The following FAM24B variants were observed in gnomAD, a reference collection of about 807,000 sequenced individuals.
FAM24B encodes family with sequence similarity 24 member B.
FAM24B carries 3 observed loss-of-function variants against 2.3 expected under a neutral mutation model. The observed-to-expected ratio is 1.29, with a 90% confidence interval of 0.59 to 3.32. The LOEUF (loss-of-function observed/expected upper bound fraction) is 3.32, where lower values mean the gene tolerates loss of function less well. FAM24B is among the 30% of genes most tolerant of loss of function. The pLI, the probability that FAM24B is intolerant of heterozygous loss-of-function variation, is 0.03. For synonymous variants in FAM24B, 36 were observed against 46.3 expected (o/e 0.78, Z 0.90); for missense variants, 98 against 117.2 (o/e 0.84, Z 0.76).
intron 3 of FAM24B, 74 bp from the exon 4 acceptor site, chr10:122,849,513 G>C (rs1378817740): frequency 2.2e-6 from 3 of 1,385,032 alleles, no homozygotes; most frequent in African/African-American, 1.5e-5. Flanking sequence ...CTGTTGGGGG[G>C]TATCTGGGGA....
At chr10:122,853,835 C>G (rs1847589149) in intron 2 of FAM24B, among the ~76,000 whole-genome samples, 1 of 152,198 alleles carries the variant, frequency 6.6e-6, no homozygotes, top group Non-Finnish European at 1.5e-5. Context: ...GCTTAGTCAT[C>G]ATTAAGGAGC....
intron 1 of FAM24B, among the ~76,000 whole-genome samples, chr10:122,865,771 A>ACT (rs988896019): frequency 3.2e-4 from 49 of 151,802 alleles, no homozygotes; most frequent in African/African-American, 1.2e-3. Flanking sequence ...TGGAAGAGTA[A>ACT]TTATTAATTT....
rs117172330 is a variant in FAM24B, at chr10:122,873,470, A to T, written c.-178+6015T>A. On this transcript the variant is annotated intron_variant, in intron 1 of 3. Transcript: ENST00000368898. ...CCTTTCAATACATTAGTGCTAACTG[A>T]TGCTTGGCCAGGGCCACCCAAGAGC... Among the ~76,000 whole-genome samples the T allele has an allele frequency of 4.3e-3, 662 of 152,360 alleles. 3 individuals are homozygous for T. The highest frequency in any genetic ancestry group is 7.7e-3 in the Non-Finnish European group (526 of 68,032).
intron 1 of FAM24B, among the ~76,000 whole-genome samples, chr10:122,863,316 T>G (rs965274564): frequency 6.6e-6 from 1 of 152,130 alleles, no homozygotes; most frequent in African/African-American, 2.4e-5. Flanking sequence ...ACTATTATCA[T>G]CCCCATTTTC....
intron 1 of FAM24B, among the ~76,000 whole-genome samples, chr10:122,868,321 A>C (rs1443403280): frequency 6.6e-6 from 1 of 152,236 alleles, no homozygotes; most frequent in East Asian, 1.9e-4. Context: ...TGTACCTGAA[A>C]GTGATGAGGA....
At chr10:122,868,681 C>G (rs1280921714) in intron 1 of FAM24B, among the ~76,000 whole-genome samples, 3 of 151,856 alleles carry the variant, frequency 2.0e-5, no homozygotes, top group East Asian at 3.9e-4. Context: ...TCCAGCCAAA[C>G]TAAGCTTCAT....
At chr10:122,860,094 T>C (rs950475032) in intron 1 of FAM24B, among the ~76,000 whole-genome samples, 4 of 152,152 alleles carry the variant, frequency 2.6e-5, no homozygotes, top group Non-Finnish European at 4.4e-5. Context: ...TACAGTAGTA[T>C]GGGTTTTGAC....
At chr10:122,870,672 A>C (rs1427080280) in intron 1 of FAM24B, among the ~76,000 whole-genome samples, 1 of 152,148 alleles carries the variant, frequency 6.6e-6, no homozygotes, top group Non-Finnish European at 1.5e-5. Flanking sequence ...ATAAACAGAA[A>C]CAAAGACAAA....
At chr10:122,851,933 T>A (rs1268351819) in intron 2 of FAM24B, among the ~76,000 whole-genome samples, 1 of 152,192 alleles carries the variant, frequency 6.6e-6, no homozygotes, top group African/African-American at 2.4e-5. Flanking sequence ...AGAAATTATG[T>A]CATTGGAAAC....
chr10:122,872,966 A>G (rs1056573002), intron 1 of FAM24B, among the ~76,000 whole-genome samples: 3 of 152,180 alleles, frequency 2.0e-5, no homozygotes, highest in African/African-American at 7.2e-5. Context: ...ATAAAAAAAG[A>G]ACAGGTTGAA....
At chr10:122,871,174 C>T (rs368177279) in intron 1 of FAM24B, among the ~76,000 whole-genome samples, 3 of 151,950 alleles carry the variant, frequency 2.0e-5, no homozygotes, top group South Asian at 4.2e-4. Context: ...CATGAGTGAA[C>T]TCCCATTCAC....
chr10:122,877,823 A>G (rs2133845007), intron 1 of FAM24B, among the ~76,000 whole-genome samples: 1 of 152,326 alleles, frequency 6.6e-6, no homozygotes, highest in Non-Finnish European at 1.5e-5. Flanking sequence ...ATAAGATTGA[A>G]TTTGCCAGTT....
At position 122,849,093 on chromosome 10, in the gene FAM24B, A is replaced by G. The variant is rs1337044960; in HGVS notation, c.*154T>C. The G allele has an allele frequency of 2.1e-6, 1 of 477,324 alleles. No homozygotes were observed. The highest frequency in any genetic ancestry group is 4.4e-5 in the Admixed American group (1 of 22,964). 29.6% of individuals were successfully genotyped at this position (477,324 alleles called of 1,614,324 possible). ...TCAAAAAATATTGGCAGCAAAGAGG[A>G]TTATTTTTAATAGTGTACATTTATT... On this transcript the variant is annotated 3_prime_UTR_variant, in exon 4 of 4. Coordinates refer to ENST00000368898, the MANE Select transcript of FAM24B (RefSeq NM_152644.3).
chr10:122,865,918 T>C (rs552650177), intron 1 of FAM24B, among the ~76,000 whole-genome samples: 1 of 151,786 alleles, frequency 6.6e-6, no homozygotes, highest in South Asian at 2.1e-4. Context: ...ATTCTTTTTT[T>C]TTTTTTTGAG....
At chr10:122,878,950 T>C (rs1848026041) in intron 1 of FAM24B, among the ~76,000 whole-genome samples, 1 of 152,144 alleles carries the variant, frequency 6.6e-6, no homozygotes, top group South Asian at 2.1e-4. Context: ...TATGATGACA[T>C]GTATCAAAGT....
intron 1 of FAM24B, among the ~76,000 whole-genome samples, chr10:122,856,651 G>T (rs79142214): frequency 6.2e-4 from 95 of 152,264 alleles, no homozygotes; most frequent in African/African-American, 2.2e-3. Flanking sequence ...TAGCCATGCT[G>T]GGGAGTCTGC....
chr10:122,875,649 T>C (rs996818692), intron 1 of FAM24B, among the ~76,000 whole-genome samples: 1 of 152,142 alleles, frequency 6.6e-6, no homozygotes, highest in Non-Finnish European at 1.5e-5. Context: ...AGTTTCCACA[T>C]TGTCATTGTC....
At chr10:122,864,083 T>C (rs1847765068) in intron 1 of FAM24B, among the ~76,000 whole-genome samples, 2 of 151,946 alleles carry the variant, frequency 1.3e-5, no homozygotes, top group Non-Finnish European at 2.9e-5. Flanking sequence ...AAAACATGTG[T>C]TGTTTCAGAG....
intron 2 of FAM24B, among the ~76,000 whole-genome samples, chr10:122,852,127 C>T (rs1405876942): frequency 6.6e-6 from 1 of 152,162 alleles, no homozygotes; most frequent in Admixed American, 6.5e-5. Flanking sequence ...GCTTGGGAGT[C>T]ATCATTCCCA....
Sources: gnomAD v4.1 joint callset for allele counts (sites outside exome capture counted in the v4.1 genomes callset) on GRCh38, gnomAD v4.1.1 for gene constraint, MANE v1.5 for transcripts, NCBI Gene and HGNC (gene_info 2026-07-23, HGNC 2026-07-21) for gene names.